FRMD5: variants seen among roughly 807,000 people sequenced by gnomAD.
The protein encoded by FRMD5 is FERM domain containing 5.
Under a neutral mutation model 69.0 loss-of-function variants are expected in FRMD5, and 20 were observed. The ratio of observed to expected loss-of-function variants is 0.29; its 90% CI spans 0.20 to 0.42. The LOEUF is 0.42. FRMD5 is among the 10% of genes least tolerant of loss of function. The pLI is 1.00. For missense variants in FRMD5, 595 were observed against 708.6 expected, an observed-to-expected ratio of 0.84 and a Z score of 1.82; for synonymous variants, 271 against 260.1, an observed-to-expected ratio of 1.04 and a Z score of -0.40.
intron 1 of FRMD5, among the ~76,000 whole-genome samples, chr15:44,190,612 A>G (rs1469998145): frequency 6.6e-6 from 1 of 152,152 alleles, no homozygotes; most frequent in Admixed American, 6.5e-5. Flanking sequence ...CTTCATAAAT[A>G]CCTCAAAGAC....
intron 1 of FRMD5, among the ~76,000 whole-genome samples, chr15:44,096,298 G>A (rs2076551771): frequency 6.6e-6 from 1 of 150,432 alleles, no homozygotes; most frequent in African/African-American, 2.5e-5. Context: ...CCACACTTAT[G>A]CTATATAAAC....
At chr15:44,164,889 G>A (rs2077682982) in intron 1 of FRMD5, among the ~76,000 whole-genome samples, 1 of 152,200 alleles carries the variant, frequency 6.6e-6, no homozygotes, top group African/African-American at 2.4e-5. Context: ...TGGCACCGGT[G>A]CCTAGTGTTC....
intron 4 of FRMD5, among the ~76,000 whole-genome samples, chr15:43,911,467 C>T (rs1025840611): frequency 2.0e-5 from 3 of 152,164 alleles, no homozygotes; most frequent in Admixed American, 6.5e-5. Context: ...CTGAGGCTTT[C>T]GGCCAACAGC....
intron 1 of FRMD5, among the ~76,000 whole-genome samples, chr15:44,017,493 A>G (rs993344490): frequency 6.6e-6 from 1 of 152,182 alleles, no homozygotes; most frequent in Non-Finnish European, 1.5e-5. Context: ...CTATTTATTT[A>G]GTACATTAGT....
intron 1 of FRMD5, among the ~76,000 whole-genome samples, chr15:44,078,034 C>A (rs980637899): frequency 2.6e-5 from 4 of 152,068 alleles, no homozygotes; most frequent in Non-Finnish European, 5.9e-5. Context: ...AAAGCTTATT[C>A]ATTTACAAAG....
At chr15:44,165,289 G>A (rs1283848748) in intron 1 of FRMD5, among the ~76,000 whole-genome samples, 1 of 152,024 alleles carries the variant, frequency 6.6e-6, no homozygotes, top group African/African-American at 2.4e-5. Flanking sequence ...TGTGGTGGTG[G>A]CACACGCCTG....
intron 4 of FRMD5, among the ~76,000 whole-genome samples, chr15:43,912,925 G>A (rs1331837110): frequency 6.6e-6 from 1 of 151,652 alleles, no homozygotes; most frequent in Non-Finnish European, 1.5e-5. Context: ...CAATTACTTG[G>A]GAGAGGCTGA....
At chr15:43,932,228 A>G (rs1192148902) in intron 1 of FRMD5, among the ~76,000 whole-genome samples, 10 of 152,234 alleles carry the variant, frequency 6.6e-5, no homozygotes, top group Admixed American at 6.5e-4. Context: ...AATGCACTCA[A>G]GGAACAGAAG....
chr15:43,967,326 G>A (rs1214566054), intron 1 of FRMD5, among the ~76,000 whole-genome samples: 2 of 151,800 alleles, frequency 1.3e-5, no homozygotes, highest in Admixed American at 6.6e-5. Context: ...TCCACCTCCC[G>A]GGTTCAAGCA....
intron 1 of FRMD5, among the ~76,000 whole-genome samples, chr15:44,019,342 C>T (rs1253580257): frequency 6.6e-6 from 1 of 151,836 alleles, no homozygotes; most frequent in Non-Finnish European, 1.5e-5. Context: ...TGATGATGAT[C>T]TAACACCATC....
upstream of FRMD5, among the ~76,000 whole-genome samples, chr15:44,199,122 G>C (rs1444102866): frequency 6.6e-6 from 1 of 152,052 alleles, no homozygotes; most frequent in African/African-American, 2.4e-5. Context: ...CATTTCTTTA[G>C]ATTTTGGCAG....
chr15:43,873,931 A>C lies in FRMD5; in HGVS notation c.1667T>G (p.Phe556Cys), dbSNP rs1286001520. Residue 556 changes from phenylalanine to cysteine, a missense_variant, in exon 14 of 14, where the codon TTT (phenylalanine) becomes TGT (cysteine). Around this residue, in one of 5 missense-constraint regions of FRMD5, gnomAD observed 245 missense variants for 227.1 expected, o/e 1.08. Coordinates refer to ENST00000417257, the MANE Select transcript of FRMD5 (RefSeq NM_032892.5). ...CACCACTGAGCGGATTTTGCAGGCA[A>C]ACCATCGCCTGAGGGGACAAAAGTA... ...YQYFCPLRRW[F>C]ACKIRSVVSL... The C allele has an allele frequency of 6.2e-7, 1 of 1,614,160 alleles. No homozygotes were observed. The highest frequency in any genetic ancestry group is 8.5e-7 in the Non-Finnish European group (1 of 1,180,036).
chr15:44,055,199 C>G (rs1288958312), intron 1 of FRMD5, among the ~76,000 whole-genome samples: 5 of 151,884 alleles, frequency 3.3e-5, no homozygotes, highest in Non-Finnish European at 7.4e-5. Context: ...TGACCAGGAG[C>G]TAGGGTGGGT....
At chr15:43,938,967 T>C (rs1023286643) in intron 1 of FRMD5, among the ~76,000 whole-genome samples, 10 of 152,092 alleles carry the variant, frequency 6.6e-5, no homozygotes, top group Admixed American at 6.6e-4. Context: ...GTTGAAGGAA[T>C]TCTCCAACCT....
At chr15:43,970,193 A>C (rs1011652319) in intron 1 of FRMD5, among the ~76,000 whole-genome samples, 1 of 152,206 alleles carries the variant, frequency 6.6e-6, no homozygotes, top group Non-Finnish European at 1.5e-5. Flanking sequence ...TATTCTCAGA[A>C]ACATCAGAAG....
intron 1 of FRMD5, among the ~76,000 whole-genome samples, chr15:44,131,252 C>T (rs1006090735): frequency 1.3e-5 from 2 of 152,090 alleles, no homozygotes; most frequent in African/African-American, 4.8e-5. Context: ...CAATGAAATA[C>T]TACCTCACAC....
chr15:44,053,726 G>A (rs765624385), intron 1 of FRMD5, among the ~76,000 whole-genome samples: 16 of 152,304 alleles, frequency 1.1e-4, no homozygotes, highest in Non-Finnish European at 1.5e-4. Context: ...GGAAGTCCAC[G>A]AGCGCAGTTC....
intron 1 of FRMD5, among the ~76,000 whole-genome samples, chr15:44,061,466 G>A (rs545707723): frequency 3.9e-5 from 6 of 152,102 alleles, no homozygotes; most frequent in East Asian, 1.9e-4. Flanking sequence ...AATAAAGGGC[G>A]GCCAGTGGTC....
chr15:44,008,581 A>T (rs572326832), intron 1 of FRMD5, among the ~76,000 whole-genome samples: 1 of 151,914 alleles, frequency 6.6e-6, no homozygotes, highest in Non-Finnish European at 1.5e-5. Context: ...CTTTTTTAAC[A>T]TGTGGTGCAC....
Sources: allele counts gnomAD v4.1 joint callset (sites outside exome capture counted in the v4.1 genomes callset), GRCh38; gene constraint gnomAD v4.1.1; regional missense constraint gnomAD v4.1.1; transcripts MANE v1.5; gene names NCBI Gene and HGNC (gene_info 2026-07-23, HGNC 2026-07-21).